The following KYNU variants were observed in gnomAD, a reference collection of about 807,000 sequenced individuals.
KYNU encodes the protein L-kynurenine hydrolase.
Under a neutral mutation model 59.2 loss-of-function variants are expected in KYNU, and 54 were observed. The observed-to-expected ratio is 0.91, with a 90% confidence interval of 0.73 to 1.14. KYNU has a LOEUF of 1.14. Among genes scored for constraint, KYNU ranks in the 50% most tolerant of loss-of-function variants. The pLI, the probability that KYNU is intolerant of heterozygous loss-of-function variation, is 0.00. For synonymous variants in KYNU, 177 were observed against 192.0 expected, an observed-to-expected ratio of 0.92 and a Z score of 0.65; for missense variants, 567 against 554.4, an observed-to-expected ratio of 1.02 and a Z score of -0.23.
chr2:142,927,149 TG>T (rs1297538783), intron 3 of KYNU, among the ~76,000 whole-genome samples: 1 of 152,232 alleles, frequency 6.6e-6, no homozygotes, highest in Non-Finnish European at 1.5e-5. Context: ...CAAGTAGTAT[TG>T]GCTTTGATTA....
chr2:142,916,348 A>T (rs149686005), intron 2 of KYNU, among the ~76,000 whole-genome samples: 41 of 152,308 alleles, frequency 2.7e-4, no homozygotes, highest in African/African-American at 9.6e-4. Context: ...TTTTTGGAAT[A>T]AAGTTTTTAG....
intron 4 of KYNU, among the ~76,000 whole-genome samples, chr2:142,931,249 C>T (rs1683206801): frequency 1.3e-5 from 2 of 152,148 alleles, no homozygotes; most frequent in Non-Finnish European, 2.9e-5. Context: ...ACATTCCCGT[C>T]TATTTGGTTG....
intron 2 of KYNU, among the ~76,000 whole-genome samples, chr2:142,898,578 C>G (rs79671879): frequency 0.018 from 2,709 of 152,196 alleles, 67 homozygotes; most frequent in African/African-American, 0.063. Context: ...CTTCTAAACT[C>G]AAATACCTAG....
At chr2:143,011,254 A>T (rs984425473) in intron 10 of KYNU, among the ~76,000 whole-genome samples, 34 of 132,326 alleles carry the variant, frequency 2.6e-4, no homozygotes, top group African/African-American at 1.0e-3. Flanking sequence ...TGGGTGAAGG[A>T]CATGAACAGA....
At chr2:142,910,271 G>T (rs1156608141) in intron 2 of KYNU, among the ~76,000 whole-genome samples, 5 of 151,150 alleles carry the variant, frequency 3.3e-5, no homozygotes, top group Non-Finnish European at 7.4e-5. Flanking sequence ...CAAGTATCTG[G>T]GACTACAGGC....
At chr2:143,003,681 A>G (rs1006035068) in intron 10 of KYNU, among the ~76,000 whole-genome samples, 1 of 150,686 alleles carries the variant, frequency 6.6e-6, no homozygotes, top group African/African-American at 2.4e-5. Flanking sequence ...CAGAAATTTG[A>G]TTTTTTTTTT....
chr2:142,968,181 C>T (rs1684606663), intron 8 of KYNU, among the ~76,000 whole-genome samples: 2 of 152,040 alleles, frequency 1.3e-5, no homozygotes. Flanking sequence ...CATATTTGGT[C>T]AGTAAATTAT....
chr2:143,042,415 TAC>T lies in KYNU; in HGVS notation c.*245_*246del, dbSNP rs1687081112. ...ACTGTGTTGGTTCAAGTATTATCTA[TAC>T]AGTCTCTATAAGCTGTCACATTTCA... On this transcript the variant is annotated 3_prime_UTR_variant, in exon 14 of 14. Transcript: ENST00000264170. 5.1e-6 allele frequency: 2 copies of T among 390,732 alleles called. No individual in the cohort carries two copies. The highest frequency in any genetic ancestry group is 8.1e-5 in the Admixed American group (2 of 24,722). 24.2% of individuals were successfully genotyped at this position (390,732 alleles called of 1,614,324 possible).
chr2:142,906,443 C>G lies in KYNU; in HGVS notation c.170-12166C>G, dbSNP rs529231252. On this transcript the variant is annotated intron_variant, in intron 2 of 13. Transcript: ENST00000264170. ...AGCCATTTACAAACTCAGGGCCTGG[C>G]AAGAGTGGTGGAGAACGGGTCCCAC... 9.5e-4 allele frequency among the ~76,000 whole-genome samples: 144 copies of G among 152,204 alleles called. 1 individual carries two copies. Among genetic ancestry groups the G allele is most frequent in the African/African-American group, 3.3e-3 (139 of 41,534 alleles).
chr2:143,006,372 A>C (rs1685894783), intron 10 of KYNU, among the ~76,000 whole-genome samples: 1 of 151,858 alleles, frequency 6.6e-6, no homozygotes, highest in Admixed American at 6.6e-5. Flanking sequence ...GCGCACCACG[A>C]GATTATATCC....
At chr2:142,897,994 T>C (rs952605917) in intron 2 of KYNU, among the ~76,000 whole-genome samples, 2 of 152,162 alleles carry the variant, frequency 1.3e-5, no homozygotes, top group African/African-American at 4.8e-5. Context: ...CTCAACTTCC[T>C]GGACTCAATC....
intron 10 of KYNU, among the ~76,000 whole-genome samples, chr2:142,987,484 G>A (rs1252303050): frequency 6.6e-6 from 1 of 151,900 alleles, no homozygotes. Flanking sequence ...CTCATTTTGT[G>A]GAATTTCAAA....
At chr2:142,879,511 GAAGAAA>G (rs1681218424) in intron 1 of KYNU, 1 of 152,302 alleles carries the variant, frequency 6.6e-6, no homozygotes, top group African/African-American at 2.4e-5. Context: ...GGAATGAGCT[GAAGAAA>G]TACACACACG....
chr2:142,901,583 G>A (rs549323419), intron 2 of KYNU, among the ~76,000 whole-genome samples: 10 of 152,274 alleles, frequency 6.6e-5, no homozygotes, highest in African/African-American at 2.4e-4. Flanking sequence ...GCTTCCTGAT[G>A]TTTGATAGGT....
chr2:142,964,495 A>G (rs1448143487), intron 8 of KYNU, among the ~76,000 whole-genome samples: 1 of 152,144 alleles, frequency 6.6e-6, no homozygotes, highest in East Asian at 1.9e-4. Context: ...TGCAGTGGTA[A>G]TGCGTGGCAG....
At chr2:142,892,125 GCTTGT>G (rs1681737722) in intron 2 of KYNU, among the ~76,000 whole-genome samples, 1 of 152,210 alleles carries the variant, frequency 6.6e-6, no homozygotes. Context: ...TGTTGCCCAT[GCTTGT>G]CTCAGACTCC....
At position 143,047,852 on chromosome 2, in the gene KYNU, C is replaced by CTTTTTTTTTTTTTTTTT. The variant is rs61229238; in HGVS notation, c.*5690_*5706dup. On this transcript the variant is annotated 3_prime_UTR_variant, in exon 14 of 14. Coordinates refer to ENST00000264170, the MANE Select transcript of KYNU (RefSeq NM_003937.3). The stretch of plus-strand genomic sequence containing the variant: ...GGCATAAGCTGCCACTCCTGGACCT[C>CTTTTTTTTTTTTTTTTT]TTTTTTTTTTTTTTTTTTTTTTTTT... 4.7e-4 allele frequency: 47 copies of CTTTTTTTTTTTTTTTTT among 100,336 alleles called. 17 individuals carry two copies. Among genetic ancestry groups the CTTTTTTTTTTTTTTTTT allele is most frequent in the Non-Finnish European group, 4.4e-4 (23 of 52,724 alleles). 6.2% of individuals were successfully genotyped at this position (100,336 alleles called of 1,614,324 possible).
At chr2:142,921,782 C>T (rs1240321018) in intron 3 of KYNU, among the ~76,000 whole-genome samples, 1 of 152,072 alleles carries the variant, frequency 6.6e-6, no homozygotes, top group Non-Finnish European at 1.5e-5. Context: ...GTACTCCAGC[C>T]TGGGCTACAG....
chr2:142,901,620 T>C (rs1169327294), intron 2 of KYNU, among the ~76,000 whole-genome samples: 1 of 152,178 alleles, frequency 6.6e-6, no homozygotes, highest in Non-Finnish European at 1.5e-5. Flanking sequence ...GGAATTCCCT[T>C]TTTTTCCATA....
Sources: gnomAD v4.1 joint callset for allele counts (sites outside exome capture counted in the v4.1 genomes callset) on GRCh38, gnomAD v4.1.1 for gene constraint, MANE v1.5 for transcripts, NCBI Gene and HGNC (gene_info 2026-07-23, HGNC 2026-07-21) for gene names.